The following C7orf78 variants were observed in gnomAD, a reference collection of about 807,000 sequenced individuals.
C7orf78 encodes putative uncharacterized protein C7orf78.
the C7orf78 span, among the ~76,000 whole-genome samples, chr7:12,523,926 G>A: frequency 2.6e-5 from 4 of 152,126 alleles, no homozygotes; most frequent in African/African-American, 9.7e-5. Flanking sequence ...AGTATATGGA[G>A]ATGCAGATAA....
the C7orf78 span, among the ~76,000 whole-genome samples, chr7:12,532,409 T>C: frequency 2.0e-5 from 3 of 151,722 alleles, no homozygotes; most frequent in African/African-American, 4.8e-5. Flanking sequence ...ATTAGCTGGG[T>C]GTAATGGTGG....
chr7:12,515,533 T>C, the C7orf78 span, among the ~76,000 whole-genome samples: 2 of 152,004 alleles, frequency 1.3e-5, no homozygotes, highest in African/African-American at 4.8e-5. Flanking sequence ...TACCTGAAAA[T>C]GTGGAAACAA....
the C7orf78 span, chr7:12,531,089 G>T: frequency 1.0e-5 from 4 of 398,276 alleles, no homozygotes; most frequent in Non-Finnish European, 1.8e-5. Flanking sequence ...ATATGCAAGA[G>T]CAGGTGGGCA....
the C7orf78 span, among the ~76,000 whole-genome samples, chr7:12,487,972 C>T: frequency 6.6e-6 from 1 of 151,936 alleles, no homozygotes; most frequent in Non-Finnish European, 1.5e-5. Context: ...TAAACATTAT[C>T]CCATCGTCTT....
At chr7:12,527,823 T>C in the C7orf78 span, among the ~76,000 whole-genome samples, 1 of 150,390 alleles carries the variant, frequency 6.6e-6, no homozygotes, top group Non-Finnish European at 1.5e-5. Flanking sequence ...TCCTAGTATA[T>C]GCTATGTGTC....
chr7:12,533,547 C>T, the C7orf78 span, among the ~76,000 whole-genome samples: 3 of 140,020 alleles, frequency 2.1e-5, no homozygotes, highest in Non-Finnish European at 1.5e-5. Flanking sequence ...GATGGAGTCT[C>T]GCTCTGTTGC....
the C7orf78 span, chr7:12,528,882 AT>A: frequency 2.5e-6 from 1 of 398,348 alleles, no homozygotes; most frequent in Non-Finnish European, 4.4e-6. Context: ...TAAGCCTCTC[AT>A]TTGTCTTCCT....
At chr7:12,497,560 C>G in the C7orf78 span, among the ~76,000 whole-genome samples, 4 of 152,332 alleles carry the variant, frequency 2.6e-5, no homozygotes, top group African/African-American at 7.2e-5. Flanking sequence ...GAGATTATAC[C>G]CTGCACCCGG....
chr7:12,487,681 C>A, the C7orf78 span, among the ~76,000 whole-genome samples: 2 of 152,048 alleles, frequency 1.3e-5, no homozygotes, highest in Non-Finnish European at 2.9e-5. Flanking sequence ...AAAGCCAATT[C>A]TCTCTGCAAA....
chr7:12,521,098 A>T, the C7orf78 span, among the ~76,000 whole-genome samples: 1 of 151,952 alleles, frequency 6.6e-6, no homozygotes, highest in Non-Finnish European at 1.5e-5. Context: ...TTTTCAGTCT[A>T]TGTGTGTCTT....
the C7orf78 span, among the ~76,000 whole-genome samples, chr7:12,517,715 T>G: frequency 2.0e-5 from 3 of 152,180 alleles, no homozygotes; most frequent in Non-Finnish European, 4.4e-5. Flanking sequence ...ACTCTTCAGT[T>G]CTAGAATTTC....
chr7:12,528,947 C>G, the C7orf78 span: 1 of 398,430 alleles, frequency 2.5e-6, no homozygotes, highest in Non-Finnish European at 4.4e-6. Context: ...AAGACTAGTA[C>G]AGAAAGATTT....
At chr7:12,536,659 G>C in the C7orf78 span, among the ~76,000 whole-genome samples, 1 of 152,106 alleles carries the variant, frequency 6.6e-6, no homozygotes, top group Non-Finnish European at 1.5e-5. Context: ...CAAATTTTCT[G>C]AACTTTTATG....
chr7:12,514,003 AG>A, the C7orf78 span, among the ~76,000 whole-genome samples: 2 of 152,098 alleles, frequency 1.3e-5, no homozygotes, highest in African/African-American at 2.4e-5. Context: ...CCGTCTCAAA[AG>A]AAAAAAGAAA....
the C7orf78 span, among the ~76,000 whole-genome samples, chr7:12,519,366 C>A: frequency 7.9e-5 from 12 of 152,318 alleles, no homozygotes; most frequent in African/African-American, 2.9e-4. Flanking sequence ...AGAGCAGCTG[C>A]AGCTGCAGTG....
the C7orf78 span, chr7:12,528,838 G>C: frequency 5.0e-6 from 2 of 397,382 alleles, no homozygotes; most frequent in Non-Finnish European, 8.9e-6. Context: ...TGATACATCT[G>C]AGAGACATCA....
chr7:12,519,744 A>C, the C7orf78 span, among the ~76,000 whole-genome samples: 727 of 152,278 alleles, frequency 4.8e-3, 7 homozygotes, highest in African/African-American at 0.017. Context: ...CTGTTGGACT[A>C]AAGTACTGGG....
At chr7:12,518,347 C>T in the C7orf78 span, among the ~76,000 whole-genome samples, 1 of 152,132 alleles carries the variant, frequency 6.6e-6, no homozygotes, top group African/African-American at 2.4e-5. Flanking sequence ...ATCAGGCCTC[C>T]ACATGTCTTG....
At chr7:12,493,365 T>G in the C7orf78 span, among the ~76,000 whole-genome samples, 7 of 152,252 alleles carry the variant, frequency 4.6e-5, no homozygotes, top group African/African-American at 1.4e-4. Context: ...ACAGATAAAA[T>G]AAAATTTAGA....
Sources: allele counts gnomAD v4.1 joint callset (sites outside exome capture counted in the v4.1 genomes callset), GRCh38; gene constraint gnomAD v4.1.1; transcripts MANE v1.5; gene names NCBI Gene and HGNC (gene_info 2026-07-23, HGNC 2026-07-21).